FBXW11: variants seen among roughly 807,000 people sequenced by gnomAD.
The protein encoded by FBXW11 is F-box and WD repeat domain containing 11.
In FBXW11, 19 loss-of-function variants were observed where a neutral mutation model predicts 77.6. The observed-to-expected ratio is 0.24, with a 90% CI of 0.17 to 0.36. The LOEUF (loss-of-function observed/expected upper bound fraction) is 0.36. Among genes scored for constraint, FBXW11 ranks in the 10% least tolerant of loss-of-function variants. The pLI is 1.00. For synonymous variants in FBXW11, 235 were observed against 249.4 expected (o/e 0.94, Z 0.54); for missense variants, 334 against 704.2 (o/e 0.47, Z 5.95).
intron 2 of FBXW11, among the ~76,000 whole-genome samples, chr5:171,951,601 G>A (rs1763320766): frequency 6.6e-6 from 1 of 151,824 alleles, no homozygotes; most frequent in Non-Finnish European, 1.5e-5. Context: ...CTAAAGCCCT[G>A]TGATGTAGCC....
chr5:171,908,376 T>C (rs1477952540), intron 4 of FBXW11, among the ~76,000 whole-genome samples: 1 of 152,164 alleles, frequency 6.6e-6, no homozygotes, highest in African/African-American at 2.4e-5. Context: ...TCCTTAGCCG[T>C]TGTACTAATT....
intron 2 of FBXW11, 92 bp downstream of exon 2, chr5:171,957,505 C>A: frequency 8.5e-7 from 1 of 1,172,138 alleles, no homozygotes; most frequent in Non-Finnish European, 1.3e-6. Context: ...ATTTAGCAGA[C>A]TTAACATTGG....
intron 6 of FBXW11, among the ~76,000 whole-genome samples, chr5:171,892,573 T>G (rs1406122633): frequency 1.3e-5 from 2 of 152,082 alleles, no homozygotes; most frequent in African/African-American, 2.4e-5. Flanking sequence ...GCCAAATGAG[T>G]GATAAAAATT....
chr5:171,933,482 A>T (rs1256792267), intron 2 of FBXW11, among the ~76,000 whole-genome samples: 5 of 152,184 alleles, frequency 3.3e-5, no homozygotes, highest in Admixed American at 3.3e-4. Flanking sequence ...AATAAATCCT[A>T]ATATAAGCTA....
At chr5:171,948,192 G>A (rs1219258881) in intron 2 of FBXW11, among the ~76,000 whole-genome samples, 45 of 138,200 alleles carry the variant, frequency 3.3e-4, no homozygotes, top group African/African-American at 1.1e-3. Flanking sequence ...CCAAGATCAT[G>A]CCACTGCACA....
At chr5:171,936,452 T>C (rs1762486881) in intron 2 of FBXW11, among the ~76,000 whole-genome samples, 1 of 142,830 alleles carries the variant, frequency 7.0e-6, no homozygotes, top group South Asian at 2.2e-4. Flanking sequence ...ATTATGATCA[T>C]GCTACTGCAC....
chr5:171,888,327 T>A (rs1415598319), intron 7 of FBXW11, among the ~76,000 whole-genome samples: 1 of 152,200 alleles, frequency 6.6e-6, no homozygotes, highest in Non-Finnish European at 1.5e-5. Flanking sequence ...ACCCTTGAGC[T>A]GTATATGCGC....
chr5:171,916,164 A>T (rs1045523821), intron 2 of FBXW11, among the ~76,000 whole-genome samples: 1 of 151,438 alleles, frequency 6.6e-6, no homozygotes, highest in Non-Finnish European at 1.5e-5. Flanking sequence ...GGTGGAGCAT[A>T]CCAACATGGC....
intron 3 of FBXW11, 62 bp from the exon 4 acceptor site, chr5:171,910,859 A>C: frequency 2.6e-6 from 3 of 1,169,508 alleles, no homozygotes; most frequent in Non-Finnish European, 3.6e-6. Context: ...TTAATATTTC[A>C]TTAGAAATAT....
At chr5:172,002,414 A>ATGTG (rs55720474) in intron 1 of FBXW11, among the ~76,000 whole-genome samples, 4,607 of 144,020 alleles carry the variant, frequency 0.032, 152 homozygotes, top group African/African-American at 0.086. Flanking sequence ...TTTTATATAA[A>ATGTG]TGTGTGTGTG....
At chr5:171,932,251 C>G (rs1255241529) in intron 2 of FBXW11, among the ~76,000 whole-genome samples, 1 of 152,116 alleles carries the variant, frequency 6.6e-6, no homozygotes, top group African/African-American at 2.4e-5. Flanking sequence ...CCTTAACAGT[C>G]ACTTCACCAG....
chr5:171,979,253 G>A (rs531871266), intron 1 of FBXW11, among the ~76,000 whole-genome samples: 1 of 152,194 alleles, frequency 6.6e-6, no homozygotes, highest in South Asian at 2.1e-4. Context: ...GGAGGTCAAG[G>A]TATGAGCCAC....
rs371040715 is a variant in FBXW11 at position 171,876,569 on chromosome 5, T to C, written c.972-35A>G. 4.2e-5 allele frequency: 68 copies of C among 1,603,186 alleles called. No individual in the cohort carries two copies. Among genetic ancestry groups the C allele is most frequent in the Non-Finnish European group, 5.6e-5 (66 of 1,171,566 alleles). ...AAGAGAAAAGCATGATGCTTAATTA[T>C]GGAGACAGCCAGGAAATGATTCTGG... On this transcript the variant is annotated intron_variant, in intron 8 of 13. Coordinates refer to ENST00000517395, the MANE Select transcript of FBXW11 (RefSeq NM_001378974.1). The surrounding 1 kb of genome is among the most constrained non-coding windows in gnomAD (Gnocchi z 4.2).
At chr5:171,870,664 A>G in intron 11 of FBXW11, 84 bp downstream of exon 11, 2 of 970,610 alleles carry the variant, frequency 2.1e-6, no homozygotes, top group East Asian at 4.8e-5. Context: ...AGGACCTGGT[A>G]CATACAGAGT....
At chr5:171,930,753 A>ATAAAT (rs1282603279) in intron 2 of FBXW11, among the ~76,000 whole-genome samples, 2 of 51,278 alleles carry the variant, frequency 3.9e-5, no homozygotes, top group African/African-American at 1.2e-4. Context: ...AAAATAAAAA[A>ATAAAT]TAAAAAAATA....
intron 1 of FBXW11, among the ~76,000 whole-genome samples, chr5:171,981,871 C>T (rs1765165562): frequency 6.6e-6 from 1 of 152,168 alleles, no homozygotes; most frequent in Admixed American, 6.6e-5. Context: ...AAGGAATGAA[C>T]TGATACAACA....
chr5:171,982,394 C>T (rs1765197418), intron 1 of FBXW11, among the ~76,000 whole-genome samples: 1 of 152,102 alleles, frequency 6.6e-6, no homozygotes, highest in Non-Finnish European at 1.5e-5. Context: ...CTCACTCAGC[C>T]TTCCACCAAG....
intron 6 of FBXW11, among the ~76,000 whole-genome samples, chr5:171,892,619 C>T (rs549704034): frequency 6.6e-6 from 1 of 152,326 alleles, no homozygotes; most frequent in Admixed American, 6.5e-5. Flanking sequence ...ATAATGAGCT[C>T]TATAGCCTGA....
At chr5:171,913,860 C>CACACACAT (rs1761058486) in intron 3 of FBXW11, among the ~76,000 whole-genome samples, 1 of 150,642 alleles carries the variant, frequency 6.6e-6, no homozygotes, top group African/African-American at 2.4e-5. Flanking sequence ...CACACACACA[C>CACACACAT]ACACACACAC....
Sources: allele counts gnomAD v4.1 joint callset (sites outside exome capture counted in the v4.1 genomes callset), GRCh38; gene constraint gnomAD v4.1.1; non-coding constraint Gnocchi (gnomAD v3.1); transcripts MANE v1.5; gene names NCBI Gene and HGNC (gene_info 2026-07-23, HGNC 2026-07-21).